Variants in AKAP11 observed in about 807,000 individuals in gnomAD.
The protein encoded by AKAP11 is A-kinase anchoring protein 11.
Under a neutral mutation model 146.1 loss-of-function variants are expected in AKAP11, and 36 were observed. That is an observed-to-expected ratio of 0.25 (90% CI 0.19 to 0.33). AKAP11 has a LOEUF of 0.33. Ranked by LOEUF, AKAP11 falls within the 10% of genes least tolerant of loss-of-function variation. The pLI is 1.00. For synonymous variants in AKAP11, 780 were observed against 786.5 expected, an observed-to-expected ratio of 0.99 and a Z score of 0.14; for missense variants, 2,201 against 2,197.0, an observed-to-expected ratio of 1.00 and a Z score of -0.04.
chr13:42,299,895 A>T lies in AKAP11; in HGVS notation c.1149A>T (p.Ser383=). ...ACAAAGATCCCGTCATAGGGAAGTCATCGCAGAGGAAAGGGCACAAACATG... is the reference window on the plus strand; with the variant it reads ...ACAAAGATCCCGTCATAGGGAAGTCTTCGCAGAGGAAAGGGCACAAACATG... ...LFNKDPVIGK[S]SQRKGHKHGK... Residue 383 remains serine (S), a synonymous_variant, in exon 8 of 13, where the codon TCA becomes TCT. Transcript: ENST00000025301. The T allele has an allele frequency of 6.2e-7, 1 of 1,613,992 alleles. No individual in the cohort carries two copies. Among genetic ancestry groups the T allele is most frequent in the Non-Finnish European group, 8.5e-7 (1 of 1,179,882 alleles).
Position 42,302,359 on chromosome 13 carries a change from C to G in AKAP11, c.3613C>G (p.His1205Asp), listed in dbSNP as rs1392508600. 3 of 1,614,044 alleles carry G rather than the reference C, an allele frequency of 1.9e-6. No individual in the cohort carries two copies. Among genetic ancestry groups the G allele is most frequent in the African/African-American group, 1.3e-5 (1 of 74,934 alleles). The change falls in exon 8 of 13, where the codon CAC (histidine) becomes GAC (aspartate). Residue 1205 changes from histidine (H) to aspartate (D), a missense_variant. Around this residue, in one of 3 missense-constraint regions of AKAP11, gnomAD observed 1,867 missense variants for 1,833.5 expected, o/e 1.02. Coordinates refer to ENST00000025301, the MANE Select transcript of AKAP11 (RefSeq NM_016248.4). Reference sequence around the variant, plus strand: ...TCAGTTTGCAGAAGCATTAGCTACACACATCCTTTCTCTTGCAACTGAAAT... The same window carrying G: ...TCAGTTTGCAGAAGCATTAGCTACAGACATCCTTTCTCTTGCAACTGAAAT... The part of the protein sequence containing the change: ...KVQFAEALAT[H>D]ILSLATEMAA...
At chr13:42,305,273 C>T (rs1213516989) in intron 8 of AKAP11, among the ~76,000 whole-genome samples, 3 of 152,160 alleles carry the variant, frequency 2.0e-5, no homozygotes, top group East Asian at 3.8e-4. Context: ...ACATGGTCTG[C>T]CTCTTTTCTT....
chr13:42,317,050 G>A (rs1238383628), intron 11 of AKAP11, among the ~76,000 whole-genome samples: 1 of 152,018 alleles, frequency 6.6e-6, no homozygotes, highest in Non-Finnish European at 1.5e-5. Flanking sequence ...GCCGGATTTT[G>A]TATTTTTAAT....
chr13:42,295,551 T>C, intron 4 of AKAP11, 144 bp from the exon 5 acceptor site: 1 of 750,414 alleles, frequency 1.3e-6, no homozygotes, highest in Non-Finnish European at 2.2e-6. Context: ...GTGAAAAATA[T>C]TTTTGGGTCA....
At chr13:42,306,399 C>T (rs1960262278) in intron 8 of AKAP11, among the ~76,000 whole-genome samples, 2 of 152,286 alleles carry the variant, frequency 1.3e-5, no homozygotes, top group South Asian at 2.1e-4. Context: ...TAAGACATCA[C>T]TCTCAGGGGC....
chr13:42,286,461 T>A (rs931520952), intron 3 of AKAP11, 62 bp downstream of exon 3: 2 of 1,268,006 alleles, frequency 1.6e-6, no homozygotes, highest in Non-Finnish European at 1.1e-6. Flanking sequence ...GATTTTTTTT[T>A]AAGTCCTACA....
intron 9 of AKAP11, among the ~76,000 whole-genome samples, chr13:42,308,879 T>A (rs1960415125): frequency 6.6e-6 from 1 of 151,338 alleles, no homozygotes; most frequent in Admixed American, 6.6e-5. Context: ...TCTCCCAAAC[T>A]TTTTATGAAC....
At chr13:42,294,358 AAAGT>A (rs1185183359) in intron 4 of AKAP11, among the ~76,000 whole-genome samples, 1 of 152,160 alleles carries the variant, frequency 6.6e-6, no homozygotes, top group East Asian at 1.9e-4. Flanking sequence ...ATAAATGTAA[AAAGT>A]AACACTTTTT....
In AKAP11 at chr13:42,300,854, T is replaced by C. The variant is rs1959839350; in HGVS notation, c.2108T>C (p.Ile703Thr). The change falls in exon 8 of 13, where the codon ATT becomes ACT. Residue 703 changes from isoleucine to threonine, a missense_variant. Physicochemically the swap from Ile to Thr is moderately conservative, Grantham distance 89. Around this residue, in one of 3 missense-constraint regions of AKAP11, gnomAD observed 1,867 missense variants for 1,833.5 expected, o/e 1.02. Coordinates refer to ENST00000025301, the MANE Select transcript of AKAP11 (RefSeq NM_016248.4). ...GAATCTGTAATACAGGAAGCATTCA[T>C]TGAGCTATCACAAGTTGATGTGACC... is the stretch of plus-strand genomic sequence containing the variant. Reference protein sequence around the residue: ...LSESVIQEAFIELSQVDVTFT... With the variant: ...LSESVIQEAFTELSQVDVTFT... The C allele has an allele frequency of 2.5e-6, 4 of 1,614,136 alleles. No individual in the cohort carries two copies. In the East Asian group the frequency reaches 6.7e-5, roughly 27 times the overall value.
chr13:42,311,775 CTTTG>C (rs988719973), intron 9 of AKAP11, among the ~76,000 whole-genome samples: 35 of 152,054 alleles, frequency 2.3e-4, no homozygotes, highest in Admixed American at 1.3e-3. Flanking sequence ...TCTGTCCATT[CTTTG>C]TTTGTATATT....
chr13:42,300,968 C>T lies in AKAP11; in HGVS notation c.2222C>T (p.Thr741Met), dbSNP rs760913015. ...ESVVPSTQAV[T>M]FSPSFHNQAI... ...GTAGTGCCATCGACACAGGCTGTCA[C>T]GTTTTCCCCTTCTTTTCACAATCAA... The change falls in exon 8 of 13, where the codon ACG becomes ATG. Residue 741 changes from threonine (T) to methionine (M), a missense_variant. Physicochemically the swap from Thr to Met is moderately conservative, Grantham distance 81 (BLOSUM62 -1). Coordinates refer to ENST00000025301, the MANE Select transcript of AKAP11 (RefSeq NM_016248.4). 5.6e-6 allele frequency: 9 copies of T among 1,613,972 alleles called. No individual in the cohort carries two copies. The East Asian group carries it at 6.7e-5, about 12-fold the overall frequency.
chr13:42,312,655 A>G (rs1373458492), intron 9 of AKAP11, among the ~76,000 whole-genome samples: 1 of 152,166 alleles, frequency 6.6e-6, no homozygotes, highest in Non-Finnish European at 1.5e-5. Flanking sequence ...GAGAATGTTA[A>G]CCTGTTTTTT....
At chr13:42,317,028 C>T (rs930768205) in intron 11 of AKAP11, among the ~76,000 whole-genome samples, 2 of 152,108 alleles carry the variant, frequency 1.3e-5, no homozygotes, top group Admixed American at 6.5e-5. Context: ...CAGGCATGTG[C>T]CACCACGCCT....
upstream of AKAP11, chr13:42,272,128 T>TG (rs1408605853): frequency 2.5e-4 from 2 of 7,990 alleles, no homozygotes; most frequent in Admixed American, 1.3e-3. Context: ...GGGGGAGGGC[T>TG]GGGGGTCAGC....
Position 42,299,658 on chromosome 13 carries a change from C to T in AKAP11, c.912C>T (p.Ala304=), listed in dbSNP as rs1209827946. The change falls in exon 8 of 13, where the codon GCC becomes GCT. Residue 304 remains alanine, a synonymous_variant. Coordinates refer to ENST00000025301, the MANE Select transcript of AKAP11 (RefSeq NM_016248.4). ...LQKTFFSSSP[A]YSSESECSSP... is the part of the protein sequence containing the mutation. The stretch of plus-strand genomic sequence containing the variant: ...AAACATTTTTTTCGTCTTCTCCTGC[C>T]TACTCATCTGAATCAGAATGTTCAA... 2.5e-6 allele frequency: 4 copies of T among 1,613,766 alleles called. No individual in the cohort carries two copies. Among genetic ancestry groups the T allele is most frequent in the East Asian group, 4.5e-5 (2 of 44,886 alleles).
At chr13:42,276,403 C>T (rs1021863084) in intron 1 of AKAP11, among the ~76,000 whole-genome samples, 2 of 152,110 alleles carry the variant, frequency 1.3e-5, no homozygotes, top group African/African-American at 2.4e-5. Flanking sequence ...TGTGCTACCA[C>T]GCCTAGCTAA....
chr13:42,313,625 A>G (rs1020803228), intron 10 of AKAP11, among the ~76,000 whole-genome samples: 1 of 152,194 alleles, frequency 6.6e-6, no homozygotes, highest in Non-Finnish European at 1.5e-5. Context: ...ATGATTTTAA[A>G]TTGAATATTA....
intron 3 of AKAP11, among the ~76,000 whole-genome samples, chr13:42,291,270 C>T (rs925252663): frequency 2.6e-5 from 4 of 151,830 alleles, no homozygotes; most frequent in African/African-American, 7.3e-5. Context: ...TTTTTGTTTT[C>T]GAGACGGAAT....
intron 8 of AKAP11, among the ~76,000 whole-genome samples, chr13:42,307,001 G>A (rs1960294560): frequency 6.6e-6 from 1 of 151,936 alleles, no homozygotes; most frequent in African/African-American, 2.4e-5. Flanking sequence ...TGCATTTTTA[G>A]CCAACAAAAC....
Sources: allele counts gnomAD v4.1 joint callset (sites outside exome capture counted in the v4.1 genomes callset), GRCh38; gene constraint gnomAD v4.1.1; regional missense constraint gnomAD v4.1.1; transcripts MANE v1.5; gene names NCBI Gene and HGNC (gene_info 2026-07-23, HGNC 2026-07-21).